SLC16A4: variants seen among roughly 807,000 people sequenced by gnomAD.
SLC16A4 encodes the protein probable monocarboxylate transporter 5.
SLC16A4 carries 39 observed loss-of-function variants against 47.9 expected under a neutral mutation model. That is an observed-to-expected ratio of 0.81 (90% CI 0.63 to 1.06). The LOEUF (loss-of-function observed/expected upper bound fraction) is 1.06, where lower values mean the gene tolerates loss of function less well. Ranked by LOEUF, SLC16A4 falls within the 50% of genes least tolerant of loss-of-function variation. The probability of loss-of-function intolerance (pLI) is 0.00; values close to 1 mark genes in which losing one functional copy is unlikely to be tolerated. For missense variants in SLC16A4, 524 were observed against 573.8 expected (o/e 0.91, Z 0.89); for synonymous variants, 189 against 199.9 (o/e 0.95, Z 0.46).
At chr1:110,373,158 T>A (rs1661775673) in intron 8 of SLC16A4, among the ~76,000 whole-genome samples, 1 of 152,244 alleles carries the variant, frequency 6.6e-6, no homozygotes, top group Non-Finnish European at 1.5e-5. Flanking sequence ...TTGAACTATT[T>A]AAACATTTTA....
intron 2 of SLC16A4, among the ~76,000 whole-genome samples, chr1:110,388,737 GTCTC>G (rs772488468): frequency 6.6e-6 from 1 of 152,154 alleles, no homozygotes. Context: ...TTTTGAGAGA[GTCTC>G]TCATGGTTGC....
intron 8 of SLC16A4, among the ~76,000 whole-genome samples, chr1:110,369,365 C>T (rs924955287): frequency 6.6e-6 from 1 of 151,984 alleles, no homozygotes; most frequent in African/African-American, 2.4e-5. Context: ...TTTGGGAGGC[C>T]GATGTGGGCG....
chr1:110,367,845 T>C (rs1661475078), intron 8 of SLC16A4, among the ~76,000 whole-genome samples: 1 of 152,150 alleles, frequency 6.6e-6, no homozygotes, highest in Admixed American at 6.5e-5. Flanking sequence ...TTTTGTTTTT[T>C]TTGAGAGGAA....
At chr1:110,369,845 A>T (rs1047022256) in intron 8 of SLC16A4, among the ~76,000 whole-genome samples, 1 of 152,206 alleles carries the variant, frequency 6.6e-6, no homozygotes, top group African/African-American at 2.4e-5. Context: ...AATATTTTCT[A>T]TATGTGCCAT....
At position 110,377,139 on chromosome 1, in the gene SLC16A4, C is replaced by T. The variant is rs767056741; in HGVS notation, c.1053G>A (p.Gln351=). The T allele has an allele frequency of 2.5e-6, 4 of 1,613,962 alleles. No homozygotes were observed. The South Asian group carries it at 4.4e-5, about 18-fold the overall frequency. The change falls in exon 7 of 9, where the codon CAG becomes CAA. Residue 351 remains glutamine, a synonymous_variant. Transcript: ENST00000369779. ...SVAGILETVS[Q]IISGWVADQN... ...GATCAGCAACCCATCCAGAAATAAT[C>T]TGACTGACCGTCTCAAGGATACCTG...
At position 110,381,111 on chromosome 1, in the gene SLC16A4, C is replaced by T. The variant is rs141959772; in HGVS notation, c.397G>A (p.Ala133Thr). 26 of 1,613,990 alleles carry T rather than the reference C, an allele frequency of 1.6e-5. No homozygotes were observed. Among genetic ancestry groups the T allele is most frequent in the Non-Finnish European group, 2.2e-5 (26 of 1,180,014 alleles). The change falls in exon 5 of 9, where the codon GCT becomes ACT. Residue 133 changes from alanine (A) to threonine (T), a missense_variant. Coordinates refer to ENST00000369779, the MANE Select transcript of SLC16A4 (RefSeq NM_004696.3). The stretch of plus-strand genomic sequence containing the variant: ...TTGAAGTATTTGGTAGTTACCACAG[C>T]AGCCACTTGGTATAAGAAAGCAGAA... Reference protein sequence around the residue: ...LGSAFLYQVAAVVTTKYFKKR... With the variant: ...LGSAFLYQVATVVTTKYFKKR...
chr1:110,385,729 C>T (rs1472049458), intron 2 of SLC16A4, among the ~76,000 whole-genome samples: 3 of 152,198 alleles, frequency 2.0e-5, no homozygotes, highest in African/African-American at 7.2e-5. Flanking sequence ...TCTTAATATA[C>T]TTTTTCCCAT....
At chr1:110,381,894 A>T in intron 3 of SLC16A4, 99 bp from the exon 4 acceptor site, 3 of 1,144,424 alleles carry the variant, frequency 2.6e-6, no homozygotes, top group Non-Finnish European at 3.8e-6. Flanking sequence ...AAGCAAGAGG[A>T]CTGTTTACTT....
At chr1:110,365,152 G>A (rs1194265304) in intron 8 of SLC16A4, among the ~76,000 whole-genome samples, 1 of 151,918 alleles carries the variant, frequency 6.6e-6, no homozygotes, top group African/African-American at 2.4e-5. Flanking sequence ...AGTGCTGTAT[G>A]GCAGCACAGG....
intron 5 of SLC16A4, 117 bp downstream of exon 5, chr1:110,380,865 C>T: frequency 2.3e-6 from 2 of 867,862 alleles, no homozygotes; most frequent in Non-Finnish European, 3.7e-6. Flanking sequence ...CATTTCCTCT[C>T]TTGCAATACC....
intron 6 of SLC16A4, among the ~76,000 whole-genome samples, chr1:110,378,183 A>C (rs1017029506): frequency 6.6e-6 from 1 of 152,240 alleles, no homozygotes; most frequent in African/African-American, 2.4e-5. Flanking sequence ...CAGACAGTCC[A>C]TAAGTGACTA....
Position 110,363,645 on chromosome 1 carries a change from T to G in SLC16A4, c.*121A>C. ...CGTCTCAAAAAAAAAAAAAAAAAAA[T>G]TGTTTTCCTTCTCATGTTACAAATG... On this transcript the variant is annotated 3_prime_UTR_variant, in exon 9 of 9. Coordinates refer to ENST00000369779, the MANE Select transcript of SLC16A4 (RefSeq NM_004696.3). 4 of 741,646 alleles carry G rather than the reference T, an allele frequency of 5.4e-6. No individual in the cohort carries two copies. The highest frequency in any genetic ancestry group is 7.7e-6 in the Non-Finnish European group (4 of 518,588). 45.9% of individuals were successfully genotyped at this position (741,646 alleles called of 1,614,324 possible).
intron 3 of SLC16A4, among the ~76,000 whole-genome samples, chr1:110,382,440 CAG>C (rs1340788824): frequency 1.3e-5 from 2 of 151,226 alleles, no homozygotes; most frequent in Admixed American, 6.6e-5. Flanking sequence ...ACCTGGGCAA[CAG>C]AGTGAGACTG....
intron 5 of SLC16A4, among the ~76,000 whole-genome samples, chr1:110,380,073 A>AAAAAGAAG (rs56111977): frequency 6.7e-6 from 1 of 150,256 alleles, no homozygotes; most frequent in African/African-American, 2.4e-5. Context: ...AAAAAAAAAA[A>AAAAAGAAG]GCAGCGGGAG....
chr1:110,389,966 A>G (rs1662947452), intron 1 of SLC16A4, among the ~76,000 whole-genome samples: 1 of 152,182 alleles, frequency 6.6e-6, no homozygotes, highest in South Asian at 2.1e-4. Context: ...GAGGGGTTCA[A>G]TTATACTCCA....
intron 3 of SLC16A4, among the ~76,000 whole-genome samples, chr1:110,382,400 A>G (rs1662452411): frequency 1.3e-5 from 2 of 152,214 alleles, no homozygotes; most frequent in Admixed American, 6.5e-5. Context: ...CAGAGGTTGC[A>G]GTGAGCCGAG....
At chr1:110,383,805 G>GTTTTTTGTT (rs1662569434) in intron 2 of SLC16A4, among the ~76,000 whole-genome samples, 1 of 65,740 alleles carries the variant, frequency 1.5e-5, no homozygotes, top group East Asian at 5.3e-4. Context: ...TTAAAAGGAG[G>GTTTTTTGTT]TTTTTTTTTT....
rs781407792 is a variant in SLC16A4 at position 110,381,653 on chromosome 1, G to A, written c.363C>T (p.Pro121=). 37 of 1,610,826 alleles carry A rather than the reference G, an allele frequency of 2.3e-5. No homozygotes were observed. The highest frequency in any genetic ancestry group is 4.0e-5 in the African/African-American group (3 of 74,684). The change falls in exon 4 of 9, where the codon CCC becomes CCT. Residue 121 remains proline (P), a splice_region_variant and synonymous_variant. Coordinates refer to ENST00000369779, the MANE Select transcript of SLC16A4 (RefSeq NM_004696.3). ...GTCACATAATTACAATGGACTCACC[G>A]GGTAGAAGTCCCATAGTCACACAAA... ...PFLCVTMGLL[P]GLGSAFLYQV...
At chr1:110,368,836 A>G (rs1440080068) in intron 8 of SLC16A4, among the ~76,000 whole-genome samples, 4 of 127,270 alleles carry the variant, frequency 3.1e-5, no homozygotes, top group African/African-American at 1.1e-4. Context: ...ACTATTCCAC[A>G]TTATTTTATG....
Sources: gnomAD v4.1 joint callset for allele counts (sites outside exome capture counted in the v4.1 genomes callset) on GRCh38, gnomAD v4.1.1 for gene constraint, MANE v1.5 for transcripts, NCBI Gene and HGNC (gene_info 2026-07-23, HGNC 2026-07-21) for gene names.